Variants in DCAF1 observed in about 807,000 individuals in gnomAD.
DCAF1 encodes DDB1 and CUL4 associated factor 1.
In DCAF1, 15 loss-of-function variants were observed where a neutral mutation model predicts 128.0. The observed-to-expected ratio is 0.12, with a 90% CI of 0.08 to 0.18. The LOEUF is 0.18. Among genes scored for constraint, DCAF1 ranks in the 10% least tolerant of loss-of-function variants. The pLI is 1.00. For synonymous variants in DCAF1, 610 were observed against 603.0 expected (o/e 1.01, Z -0.17); for missense variants, 988 against 1,649.5 (o/e 0.60, Z 6.95).
At chr3:51,408,152 G>T (rs1290532969) in intron 23 of DCAF1, among the ~76,000 whole-genome samples, 1 of 152,136 alleles carries the variant, frequency 6.6e-6, no homozygotes, top group Non-Finnish European at 1.5e-5. Context: ...CATTGTTTAG[G>T]TTTTCATTCA....
At chr3:51,503,591 C>G (rs1403126185), upstream of DCAF1, among the ~76,000 whole-genome samples, 2 of 152,182 alleles carry the variant, frequency 1.3e-5, no homozygotes, top group Non-Finnish European at 2.9e-5. Context: ...AAGACTGCTA[C>G]TGCAAGTGTC....
rs139561455 is a variant in DCAF1 at position 51,410,192 on chromosome 3, G to C, written c.4212+2187C>G. Reference sequence around the variant, plus strand: ...TTTACCAGGCCCTGAGGAAGGCTCTGCTCTGATCCCACCATGGCCACCAGC... The same window carrying C: ...TTTACCAGGCCCTGAGGAAGGCTCTCCTCTGATCCCACCATGGCCACCAGC... On this transcript the variant is annotated intron_variant, in intron 23 of 24. Transcript: ENST00000684031. 4.9e-3 allele frequency among the ~76,000 whole-genome samples: 750 copies of C among 152,298 alleles called. 4 individuals are homozygous for C. The highest frequency in any genetic ancestry group is 7.8e-3 in the Non-Finnish European group (531 of 68,032).
chr3:51,484,496 C>T (rs1220427274), intron 2 of DCAF1, among the ~76,000 whole-genome samples: 1 of 151,424 alleles, frequency 6.6e-6, no homozygotes, highest in Admixed American at 6.6e-5. Flanking sequence ...AATAGATTTA[C>T]CTAATGCCTA....
At chr3:51,454,287 A>C (rs1702656833) in intron 6 of DCAF1, among the ~76,000 whole-genome samples, 1 of 151,642 alleles carries the variant, frequency 6.6e-6, no homozygotes, top group Non-Finnish European at 1.5e-5. Flanking sequence ...GGGCTCAAGC[A>C]CTCCTCCTGC....
At chr3:51,469,221 ATTTT>A (rs781851604) in intron 4 of DCAF1, among the ~76,000 whole-genome samples, 3 of 116,720 alleles carry the variant, frequency 2.6e-5, no homozygotes, top group Admixed American at 1.1e-4. Flanking sequence ...CCACACACAA[ATTTT>A]TTTTTTTTTT....
At chr3:51,397,431 T>G (rs1428587729), downstream of DCAF1, 3 of 167,018 alleles carry the variant, frequency 1.8e-5, no homozygotes, top group African/African-American at 7.2e-5. Flanking sequence ...CAGAAAACAT[T>G]AGTGGCCGCT....
At chr3:51,487,990 G>A (rs943863898) in intron 2 of DCAF1, among the ~76,000 whole-genome samples, 9 of 151,930 alleles carry the variant, frequency 5.9e-5, no homozygotes, top group Admixed American at 1.3e-4. Flanking sequence ...TCAGCTTCCC[G>A]AATAGCTGGG....
chr3:51,413,910 AG>A (rs1698651551), intron 20 of DCAF1, 39 bp downstream of exon 20: 1 of 1,435,948 alleles, frequency 7.0e-7, no homozygotes, highest in East Asian at 2.7e-5. Flanking sequence ...GAAGGGGTAG[AG>A]CAAAAGGAAA....
intron 9 of DCAF1, among the ~76,000 whole-genome samples, chr3:51,439,555 C>G (rs930182496): frequency 6.6e-6 from 1 of 151,574 alleles, no homozygotes; most frequent in African/African-American, 2.4e-5. Context: ...GATTCTCCCA[C>G]CTCAGCCTCC....
In DCAF1 at chr3:51,469,220, A is replaced by AT. The variant is rs1559550222; in HGVS notation, c.187+1708_187+1709insA. Among the ~76,000 whole-genome samples the AT allele has an allele frequency of 1.9e-3, 269 of 143,590 alleles. 2 individuals are homozygous for AT. The highest frequency in any genetic ancestry group is 6.6e-3 in the African/African-American group (247 of 37,554). The allele number at this position is 143,590 out of a possible 152,430, so 94.2% of individuals were successfully genotyped here. A position where few individuals can be genotyped will look rare whatever the true frequency, so the allele number is the denominator to read the frequency against. On this transcript the variant is annotated intron_variant, in intron 4 of 24. Transcript: ENST00000684031. ...CATTCACATTCTTTTTCCACACACA[A>AT]ATTTTTTTTTTTTTTTTTTTTTTTT...
intron 23 of DCAF1, among the ~76,000 whole-genome samples, chr3:51,406,510 C>G (rs2090123705): frequency 6.6e-6 from 1 of 151,678 alleles, no homozygotes; most frequent in African/African-American, 2.4e-5. Flanking sequence ...AATTAAGGTA[C>G]TAATAAATTT....
intron 18 of DCAF1, among the ~76,000 whole-genome samples, chr3:51,415,195 G>A (rs1240219058): frequency 6.6e-6 from 1 of 152,116 alleles, no homozygotes; most frequent in Non-Finnish European, 1.5e-5. Flanking sequence ...ATAAGTTCAT[G>A]GCTGTAAATA....
rs782255630 is a variant in DCAF1 at position 51,418,672 on chromosome 3, C to A, written c.3435+6G>T. ...GACTGAGAGCATCCTAGGAAGGAACCCTTACCCTGGAAGGTTCAAGATGTG... is the reference window on the plus strand; with the variant it reads ...GACTGAGAGCATCCTAGGAAGGAACACTTACCCTGGAAGGTTCAAGATGTG... On this transcript the variant is annotated splice_donor_region_variant and intron_variant, in intron 16 of 24. Transcript: ENST00000684031. The A allele has an allele frequency of 1.2e-6, 2 of 1,607,370 alleles. No individual in the cohort carries two copies. The highest frequency in any genetic ancestry group is 1.8e-4 in the Middle Eastern group (1 of 5,436).
chr3:51,499,615 A>G (rs1474631560), intron 1 of DCAF1, among the ~76,000 whole-genome samples: 1 of 150,824 alleles, frequency 6.6e-6, no homozygotes, highest in Non-Finnish European at 1.5e-5. Context: ...CGGAAGAGTT[A>G]CTCTCGGGAA....
chr3:51,503,889 TAA>T (rs1288924989), upstream of DCAF1, among the ~76,000 whole-genome samples: 1 of 152,178 alleles, frequency 6.6e-6, no homozygotes, highest in African/African-American at 2.4e-5. Context: ...TGGGCACAGA[TAA>T]AGAGGAGATA....
chr3:51,434,816 T>A (rs1179525187), intron 9 of DCAF1, among the ~76,000 whole-genome samples: 1 of 152,176 alleles, frequency 6.6e-6, no homozygotes, highest in Non-Finnish European at 1.5e-5. Flanking sequence ...TGGGTGGAGA[T>A]CTCCTGCACA....
intron 11 of DCAF1, 139 bp downstream of exon 11, chr3:51,429,894 A>G: frequency 3.4e-6 from 2 of 594,508 alleles, no homozygotes; most frequent in Non-Finnish European, 6.0e-6. Flanking sequence ...GAAAGGGAAA[A>G]AAAAAAAACT....
intron 11 of DCAF1, 66 bp from the exon 12 acceptor site, chr3:51,429,536 TA>T (rs1700189141): frequency 1.3e-6 from 1 of 746,156 alleles, no homozygotes; most frequent in South Asian, 1.4e-5. Context: ...TAAAAATATT[TA>T]AAAAAGGGAA....
At chr3:51,448,439 C>T (rs1702070921) in intron 6 of DCAF1, among the ~76,000 whole-genome samples, 1 of 152,184 alleles carries the variant, frequency 6.6e-6, no homozygotes, top group South Asian at 2.1e-4. Context: ...CCAAGTTGAT[C>T]TTGAACTCCT....
Sources: allele counts gnomAD v4.1 joint callset (sites outside exome capture counted in the v4.1 genomes callset), GRCh38; gene constraint gnomAD v4.1.1; transcripts MANE v1.5; gene names NCBI Gene and HGNC (gene_info 2026-07-23, HGNC 2026-07-21).